OSBPL8: variants seen among roughly 807,000 people sequenced by gnomAD.
OSBPL8 encodes the protein oxysterol binding protein like 8.
A neutral mutation model predicts 125.5 loss-of-function variants in OSBPL8; 59 were observed. The observed-to-expected ratio is 0.47, with a 90% CI of 0.38 to 0.58. OSBPL8 has a LOEUF of 0.58. Among genes scored for constraint, OSBPL8 ranks in the 20% least tolerant of loss-of-function variants. The pLI, the probability that OSBPL8 is intolerant of heterozygous loss-of-function variation, is 0.00. For synonymous variants in OSBPL8, 330 were observed against 338.9 expected (o/e 0.97, Z 0.29); for missense variants, 758 against 1,047.8 (o/e 0.72, Z 3.82).
At chr12:76,523,098 A>G (rs932719522) in intron 1 of OSBPL8, among the ~76,000 whole-genome samples, 8 of 152,162 alleles carry the variant, frequency 5.3e-5, no homozygotes, top group African/African-American at 9.7e-5. Flanking sequence ...TCAGCTTCCC[A>G]AAGTGATAGG....
intron 4 of OSBPL8, among the ~76,000 whole-genome samples, chr12:76,431,878 C>A (rs1392743821): frequency 6.6e-6 from 1 of 151,932 alleles, no homozygotes; most frequent in East Asian, 1.9e-4. Flanking sequence ...CATTACAGAC[C>A]AAATGGACCC....
intron 5 of OSBPL8, among the ~76,000 whole-genome samples, chr12:76,408,802 T>C (rs1954386214): frequency 6.6e-6 from 1 of 152,058 alleles, no homozygotes; most frequent in Non-Finnish European, 1.5e-5. Context: ...CCGCCCCCCA[T>C]TAAGGCACAC....
At chr12:76,444,072 T>TA (rs556426291) in intron 4 of OSBPL8, among the ~76,000 whole-genome samples, 65 of 151,972 alleles carry the variant, frequency 4.3e-4, no homozygotes, top group East Asian at 4.2e-3. Context: ...CCCCAGCTCT[T>TA]AAAAAAAATC....
At chr12:76,503,330 T>A (rs553624622) in intron 1 of OSBPL8, among the ~76,000 whole-genome samples, 1 of 152,300 alleles carries the variant, frequency 6.6e-6, no homozygotes, top group South Asian at 2.1e-4. Context: ...AGATTTCACA[T>A]GGTCTTCCCT....
At chr12:76,422,404 C>T (rs1041632013) in intron 4 of OSBPL8, 1 of 384,824 alleles carries the variant, frequency 2.6e-6, no homozygotes, top group Non-Finnish European at 5.1e-6. Context: ...GCTTTCACTA[C>T]AGAATTGTTT....
At chr12:76,442,237 T>C (rs779301873) in intron 4 of OSBPL8, among the ~76,000 whole-genome samples, 1 of 152,204 alleles carries the variant, frequency 6.6e-6, no homozygotes, top group African/African-American at 2.4e-5. Flanking sequence ...TACTTTTCAA[T>C]AAATGCTTTC....
intron 15 of OSBPL8, among the ~76,000 whole-genome samples, chr12:76,380,169 C>T (rs1427877288): frequency 6.6e-6 from 1 of 152,126 alleles, no homozygotes; most frequent in African/African-American, 2.4e-5. Context: ...TTCAAAAAAG[C>T]CTGCTTAGAT....
At chr12:76,422,583 G>A (rs543519062) in intron 4 of OSBPL8, 7 of 456,550 alleles carry the variant, frequency 1.5e-5, no homozygotes, top group Admixed American at 2.3e-5. Context: ...CCATCAATCC[G>A]GGGAGGAAAT....
At chr12:76,358,332 A>G (rs976918121) in intron 22 of OSBPL8, among the ~76,000 whole-genome samples, 1 of 151,720 alleles carries the variant, frequency 6.6e-6, no homozygotes, top group Non-Finnish European at 1.5e-5. Context: ...GGTGTGCACC[A>G]CCGCACCTGG....
intron 3 of OSBPL8, among the ~76,000 whole-genome samples, chr12:76,454,104 T>C (rs1191864395): frequency 6.6e-6 from 1 of 152,208 alleles, no homozygotes; most frequent in African/African-American, 2.4e-5. Context: ...TATAAGTTGA[T>C]ACAAGCACTT....
Position 76,375,892 on chromosome 12 carries a change from G to A in OSBPL8, c.1730-522C>T, listed in dbSNP as rs140299131. On this transcript the variant is annotated intron_variant, in intron 16 of 23. Coordinates refer to ENST00000261183, the MANE Select transcript of OSBPL8 (RefSeq NM_020841.5). ...TTCCTAAGTGCAAGAAAGCTATACT[G>A]TATTTTACAGGGAAAATGTGTGTTA... is the stretch of plus-strand genomic sequence containing the variant. 1.6e-3 allele frequency among the ~76,000 whole-genome samples: 249 copies of A among 152,254 alleles called. 3 individuals carry two copies. Among genetic ancestry groups the A allele is most frequent in the African/African-American group, 5.6e-3 (234 of 41,552 alleles).
intron 3 of OSBPL8, among the ~76,000 whole-genome samples, chr12:76,457,646 A>C (rs1020000932): frequency 2.0e-5 from 3 of 152,146 alleles, no homozygotes; most frequent in Non-Finnish European, 4.4e-5. Flanking sequence ...GATTATACAG[A>C]CCCAGCCTTT....
intron 1 of OSBPL8, among the ~76,000 whole-genome samples, chr12:76,552,453 A>G (rs397850410): frequency 6.6e-6 from 1 of 151,258 alleles, no homozygotes; most frequent in Non-Finnish European, 1.5e-5. Flanking sequence ...AAAAAAAAAA[A>G]AAATGTTGCA....
chr12:76,507,407 G>C (rs4761333), intron 1 of OSBPL8, among the ~76,000 whole-genome samples: 1 of 151,686 alleles, frequency 6.6e-6, no homozygotes, highest in Non-Finnish European at 1.5e-5. Flanking sequence ...GTAATGAATA[G>C]TGGCTTTCTC....
At position 76,352,032 on chromosome 12, in the gene OSBPL8, AT is replaced by A. The variant is rs1951840679; in HGVS notation, c.*3856del. 6.6e-6 allele frequency: 1 copy of A among 152,386 alleles called. No individual in the cohort carries two copies. The highest frequency in any genetic ancestry group is 2.4e-5 in the African/African-American group (1 of 41,466). The allele number at this position is 152,386 out of a possible 1,614,324, so 9.4% of individuals were successfully genotyped here. The stretch of plus-strand genomic sequence containing the variant: ...CTTACACTGCAGGTAACATATTTTT[AT>A]TCTATCACACAAAACTGACCAGTGG... On this transcript the variant is annotated 3_prime_UTR_variant, in exon 24 of 24. Transcript: ENST00000261183.
intron 1 of OSBPL8, among the ~76,000 whole-genome samples, chr12:76,516,942 T>C (rs1001746548): frequency 2.6e-5 from 4 of 151,834 alleles, no homozygotes; most frequent in African/African-American, 9.7e-5. Context: ...GCCTCCTGAG[T>C]AGCTGGGATT....
chr12:76,524,842 C>A (rs1194029082), intron 1 of OSBPL8, among the ~76,000 whole-genome samples: 1 of 152,046 alleles, frequency 6.6e-6, no homozygotes, highest in African/African-American at 2.4e-5. Context: ...CAGTACCACG[C>A]CCAGCTAATT....
chr12:76,434,516 G>C (rs1267777748), intron 4 of OSBPL8, among the ~76,000 whole-genome samples: 1 of 152,052 alleles, frequency 6.6e-6, no homozygotes, highest in Non-Finnish European at 1.5e-5. Flanking sequence ...TATCAATCTA[G>C]AAAGATTCTG....
rs1188487463 is a variant in OSBPL8 at position 76,373,400 on chromosome 12, T to C, written c.1861A>G (p.Ile621Val). ...FLGSSDCVNQ[I>V]SGKLKLGKEV... ...TTTCCCAGTTTAAGTTTCCCTGATATTTGATTAACACAGTCACTACTCCCT... is the reference window on the plus strand; with the variant it reads ...TTTCCCAGTTTAAGTTTCCCTGATACTTGATTAACACAGTCACTACTCCCT... The change falls in exon 18 of 24, where the codon ATA becomes GTA. Residue 621 changes from isoleucine to valine, a missense_variant. By Grantham distance (29) the Ile-to-Val change is conservative. Coordinates refer to ENST00000261183, the MANE Select transcript of OSBPL8 (RefSeq NM_020841.5). The C allele has an allele frequency of 3.7e-6, 6 of 1,609,946 alleles. No homozygotes were observed. Among genetic ancestry groups the C allele is most frequent in the Non-Finnish European group, 5.1e-6 (6 of 1,177,338 alleles).
Sources: gnomAD v4.1 joint callset for allele counts (sites outside exome capture counted in the v4.1 genomes callset) on GRCh38, gnomAD v4.1.1 for gene constraint, MANE v1.5 for transcripts, NCBI Gene and HGNC (gene_info 2026-07-23, HGNC 2026-07-21) for gene names.